The following TBC1D12 variants were observed in gnomAD, a reference collection of about 807,000 sequenced individuals.
TBC1D12 encodes TBC1 domain family, member 12.
In TBC1D12, 56 loss-of-function variants were observed where a neutral mutation model predicts 86.7. The observed-to-expected ratio is 0.65, with a 90% CI of 0.52 to 0.81. The LOEUF (loss-of-function observed/expected upper bound fraction) is 0.81, where lower values mean the gene tolerates loss of function less well. Ranked by LOEUF, TBC1D12 falls within the 30% of genes least tolerant of loss-of-function variation. The pLI is 0.00. For synonymous variants in TBC1D12, 421 were observed against 411.7 expected (o/e 1.02, Z -0.27); for missense variants, 1,023 against 1,038.8 (o/e 0.98, Z 0.21).
chr10:94,502,101 C>T (rs985054536), intron 6 of TBC1D12, among the ~76,000 whole-genome samples: 3 of 150,942 alleles, frequency 2.0e-5, no homozygotes, highest in African/African-American at 7.3e-5. Flanking sequence ...GGGAGGCCAA[C>T]GCGGGTGGAT....
At chr10:94,499,838 C>T (rs1191794897) in intron 5 of TBC1D12, among the ~76,000 whole-genome samples, 4 of 152,260 alleles carry the variant, frequency 2.6e-5, no homozygotes, top group African/African-American at 9.6e-5. Context: ...TTTTAGCAGA[C>T]TTTACTGCTT....
intron 2 of TBC1D12, chr10:94,447,646 C>T (rs1005374831): frequency 4.1e-5 from 40 of 984,658 alleles, no homozygotes; most frequent in East Asian, 1.1e-4. Flanking sequence ...TGTGAAATTC[C>T]GCTTGTGGCC....
intron 3 of TBC1D12, among the ~76,000 whole-genome samples, chr10:94,484,243 CTTTTGTTTTT>C (rs2134161714): frequency 1.2e-5 from 1 of 83,056 alleles, no homozygotes; most frequent in East Asian, 4.1e-4. Context: ...TTTTTTGTTT[CTTTTGTTTTT>C]TTTTTTTTTT....
In TBC1D12 at chr10:94,493,416, C is replaced by T. The variant is rs745961175; in HGVS notation, c.1263C>T (p.Tyr421=). Residue 421 remains tyrosine, a synonymous_variant, in exon 4 of 13, where the codon TAC becomes TAT. Transcript: ENST00000225235. ...VEEALRHRQE[Y]DEMVAEAKKR... is the part of the protein sequence containing the mutation. ...AAGCTTTACGTCACCGACAAGAATA[C>T]GATGAGATGGTGGCTGAGGCTAAAA... The T allele has an allele frequency of 6.8e-6, 11 of 1,612,272 alleles. No individual in the cohort carries two copies. Among genetic ancestry groups the T allele is most frequent in the East Asian group, 4.5e-5 (2 of 44,840 alleles).
intron 2 of TBC1D12, chr10:94,447,573 C>CA: frequency 7.2e-6 from 7 of 976,928 alleles, no homozygotes; most frequent in Non-Finnish European, 8.5e-6. Context: ...TAATCAATTC[C>CA]AAAATCACAA....
chr10:94,409,768 A>G (rs1003662495), intron 1 of TBC1D12, among the ~76,000 whole-genome samples: 1 of 152,204 alleles, frequency 6.6e-6, no homozygotes, highest in African/African-American at 2.4e-5. Flanking sequence ...TCTCTACATT[A>G]TCCAAAATGG....
rs767651212 is a variant in TBC1D12, at chr10:94,403,466, G to T, written c.853G>T (p.Ala285Ser). 2 of 1,542,400 alleles carry T rather than the reference G, an allele frequency of 1.3e-6. No homozygotes were observed. Among genetic ancestry groups the T allele is most frequent in the African/African-American group, 2.8e-5 (2 of 71,050 alleles). The change falls in exon 1 of 13, where the codon GCC becomes TCC. Residue 285 changes from alanine (A) to serine (S), a missense_variant. This residue lies in a region of TBC1D12 where 628 missense variants were observed against 531.1 expected (regional missense o/e 1.18). Transcript: ENST00000225235. ...NTFQVSRGQS[A>S]RDHLPPAGPP... The stretch of plus-strand genomic sequence containing the variant: ...GTTCCAGGTGAGCCGCGGTCAGAGC[G>T]CCCGCGATCACCTGCCCCCGGCGGG...
intron 2 of TBC1D12, 63 bp downstream of exon 2, chr10:94,442,082 C>CTTTT: frequency 3.3e-6 from 4 of 1,195,494 alleles, no homozygotes; most frequent in Admixed American, 6.8e-5. Context: ...TCTTCTTCTT[C>CTTTT]TTTTTTTTTT....
Position 94,473,747 on chromosome 10 carries a change from T to C in TBC1D12, c.1096-921T>C, listed in dbSNP as rs556681085. On this transcript the variant is annotated intron_variant, in intron 2 of 12. Coordinates refer to ENST00000225235, the MANE Select transcript of TBC1D12 (RefSeq NM_015188.2). Reference sequence around the variant, plus strand: ...GTGGGTACTGAAGCTTGCAAGCTGGTAAATTTGGTATTGATCTTTGGCAAA... The same window carrying C: ...GTGGGTACTGAAGCTTGCAAGCTGGCAAATTTGGTATTGATCTTTGGCAAA... Among the ~76,000 whole-genome samples, 28 of 152,316 alleles carry C rather than the reference T, an allele frequency of 1.8e-4. No homozygotes were observed. The South Asian group carries it at 5.8e-3, about 32-fold the overall frequency.
chr10:94,407,249 A>G (rs1283400591), intron 1 of TBC1D12, among the ~76,000 whole-genome samples: 2 of 152,202 alleles, frequency 1.3e-5, no homozygotes, highest in Admixed American at 6.5e-5. Flanking sequence ...TCCCTTCCAC[A>G]TGAGGTGAGT....
At chr10:94,455,810 T>C (rs964713799) in intron 2 of TBC1D12, among the ~76,000 whole-genome samples, 1 of 152,116 alleles carries the variant, frequency 6.6e-6, no homozygotes, top group Non-Finnish European at 1.5e-5. Context: ...TCAAAAAAAT[T>C]AGCTGGACAT....
In TBC1D12 at chr10:94,469,173, A is replaced by C. The variant is rs182328917; in HGVS notation, c.1096-5495A>C. ...TTCAGCCCTCAGCCGTCTAAAATTC[A>C]CAATGTCTTACATCCAACAAAGAGA... On this transcript the variant is annotated intron_variant, in intron 2 of 12. Coordinates refer to ENST00000225235, the MANE Select transcript of TBC1D12 (RefSeq NM_015188.2). Among the ~76,000 whole-genome samples, 206 of 152,296 alleles carry C rather than the reference A, an allele frequency of 1.4e-3. 1 individual carries two copies. Among genetic ancestry groups the C allele is most frequent in the African/African-American group, 4.6e-3 (193 of 41,564 alleles).
chr10:94,454,937 G>T (rs560275623), intron 2 of TBC1D12, among the ~76,000 whole-genome samples: 1 of 152,246 alleles, frequency 6.6e-6, no homozygotes, highest in South Asian at 2.1e-4. Flanking sequence ...TGGTGAGCGG[G>T]GATATCCTCG....
intron 3 of TBC1D12, among the ~76,000 whole-genome samples, chr10:94,486,427 T>G (rs2056164255): frequency 6.6e-6 from 1 of 152,090 alleles, no homozygotes; most frequent in Admixed American, 6.6e-5. Flanking sequence ...TTTTTTGATG[T>G]AGGCACCTAT....
chr10:94,527,297 C>T (rs868339119), intron 11 of TBC1D12, among the ~76,000 whole-genome samples: 15 of 152,086 alleles, frequency 9.9e-5, no homozygotes, highest in African/African-American at 3.4e-4. Flanking sequence ...ACCATGTTGG[C>T]CAGGCTGGTC....
chr10:94,465,713 C>T (rs1020471750), intron 2 of TBC1D12, among the ~76,000 whole-genome samples: 1 of 115,700 alleles, frequency 8.6e-6, no homozygotes, highest in East Asian at 4.7e-4. Context: ...TATACGTATA[C>T]GTATACATAC....
At chr10:94,502,192 C>T (rs1333034241) in intron 6 of TBC1D12, among the ~76,000 whole-genome samples, 2 of 151,650 alleles carry the variant, frequency 1.3e-5, no homozygotes, top group Non-Finnish European at 2.9e-5. Flanking sequence ...ATTAGCTGGG[C>T]GTGGTGGCGC....
chr10:94,510,195 C>T lies in TBC1D12; in HGVS notation c.1689+16C>T, dbSNP rs570549868. ...CTTTCAGAAGGTGAGGGTTTCTAAC[C>T]AGCTTGTAATTACTTAAAAAAAATC... On this transcript the variant is annotated intron_variant, in intron 8 of 12. Coordinates refer to ENST00000225235, the MANE Select transcript of TBC1D12 (RefSeq NM_015188.2). 1.3e-6 allele frequency: 2 copies of T among 1,531,388 alleles called. No homozygotes were observed. Among genetic ancestry groups the T allele is most frequent in the Admixed American group, 2.2e-5 (1 of 45,184 alleles). 94.9% of individuals were successfully genotyped at this position (1,531,388 alleles called of 1,614,324 possible). A position where few individuals can be genotyped will look rare whatever the true frequency, so the allele number is the denominator to read the frequency against.
At position 94,403,330 on chromosome 10, in the gene TBC1D12, C is replaced by A. The variant is rs2054798075; in HGVS notation, c.717C>A (p.Gly239=). The A allele has an allele frequency of 1.3e-6, 2 of 1,519,844 alleles. No individual in the cohort carries two copies. The highest frequency in any genetic ancestry group is 1.8e-6 in the Non-Finnish European group (2 of 1,134,656). 94.1% of individuals were successfully genotyped at this position (1,519,844 alleles called of 1,614,324 possible). A position where few individuals can be genotyped will look rare whatever the true frequency, so the allele number is the denominator to read the frequency against. ...SSEDSEQRGV[G]AGGPEEGAPP... is the part of the protein sequence containing the mutation. Reference sequence around the variant, plus strand: ...AGGACTCAGAGCAGCGGGGAGTCGGCGCCGGGGGTCCCGAGGAGGGCGCGC... The same window carrying A: ...AGGACTCAGAGCAGCGGGGAGTCGGAGCCGGGGGTCCCGAGGAGGGCGCGC... The change falls in exon 1 of 13, where the codon GGC becomes GGA. Residue 239 remains glycine, a synonymous_variant. Transcript: ENST00000225235.
Sources: gnomAD v4.1 joint callset for allele counts (sites outside exome capture counted in the v4.1 genomes callset) on GRCh38, gnomAD v4.1.1 for gene constraint, gnomAD v4.1.1 regional missense constraint, MANE v1.5 for transcripts, NCBI Gene and HGNC (gene_info 2026-07-23, HGNC 2026-07-21) for gene names.